TMEM117: variants seen among roughly 807,000 people sequenced by gnomAD.
TMEM117 encodes transmembrane protein 117.
Under a neutral mutation model 52.4 loss-of-function variants are expected in TMEM117, and 27 were observed. That is an observed-to-expected ratio of 0.51 (90% CI 0.38 to 0.71). The LOEUF is 0.71. TMEM117 is among the 30% of genes least tolerant of loss of function. TMEM117 has a pLI of 0.00. For synonymous variants in TMEM117, 215 were observed against 206.3 expected (o/e 1.04, Z -0.36); for missense variants, 556 against 630.5 (o/e 0.88, Z 1.26).
intron 3 of TMEM117, among the ~76,000 whole-genome samples, chr12:43,997,153 A>G: frequency 6.6e-6 from 1 of 152,218 alleles, no homozygotes; most frequent in East Asian, 1.9e-4. Context: ...GGTAAGCTGG[A>G]AAGTGGTAGA....
At chr12:44,200,028 G>A (rs1175761118) in intron 4 of TMEM117, among the ~76,000 whole-genome samples, 3 of 152,254 alleles carry the variant, frequency 2.0e-5, no homozygotes. Flanking sequence ...TGAGAGAGGA[G>A]AATCGGCTTG....
At chr12:44,118,657 G>A (rs928897826) in intron 3 of TMEM117, among the ~76,000 whole-genome samples, 1 of 152,172 alleles carries the variant, frequency 6.6e-6, no homozygotes, top group Non-Finnish European at 1.5e-5. Context: ...AAGGATTTTT[G>A]TGTGTGTGTT....
chr12:44,333,282 C>A (rs1431994030), intron 6 of TMEM117, among the ~76,000 whole-genome samples: 2 of 151,930 alleles, frequency 1.3e-5, no homozygotes, highest in Non-Finnish European at 2.9e-5. Context: ...ATATGCCAGG[C>A]CCTGGGCATA....
chr12:43,984,040 G>T (rs1419060242), intron 3 of TMEM117, among the ~76,000 whole-genome samples: 1 of 152,046 alleles, frequency 6.6e-6, no homozygotes, highest in Non-Finnish European at 1.5e-5. Flanking sequence ...CCATAAGCAT[G>T]TGAAACCAGA....
intron 3 of TMEM117, among the ~76,000 whole-genome samples, chr12:44,119,998 G>T (rs1948207398): frequency 6.6e-6 from 1 of 152,074 alleles, no homozygotes; most frequent in South Asian, 2.1e-4. Context: ...GCTTTTAAAA[G>T]AAGTCACTTA....
At chr12:43,905,885 A>G (rs4238089) in intron 2 of TMEM117, among the ~76,000 whole-genome samples, 109,062 of 152,120 alleles carry the variant, frequency 0.72, 42,207 homozygotes, top group East Asian at 0.87. Context: ...ATGAATAAAT[A>G]TAGTTTAAAA....
intron 5 of TMEM117, among the ~76,000 whole-genome samples, chr12:44,240,602 GTGTA>G (rs768378414): frequency 5.1e-4 from 78 of 152,134 alleles, no homozygotes; most frequent in Admixed American, 2.8e-3. Context: ...ATGTTTGTGT[GTGTA>G]TGTATTTATA....
intron 2 of TMEM117, among the ~76,000 whole-genome samples, chr12:43,940,181 C>A (rs1439064970): frequency 6.6e-6 from 1 of 152,158 alleles, no homozygotes; most frequent in African/African-American, 2.4e-5. Context: ...GACCTAAATG[C>A]TTGTATTCTT....
At chr12:44,308,689 G>C (rs898740773) in intron 6 of TMEM117, among the ~76,000 whole-genome samples, 1 of 148,790 alleles carries the variant, frequency 6.7e-6, no homozygotes, top group Non-Finnish European at 1.5e-5. Context: ...GCGCCATCTC[G>C]GCTCGCTGCA....
At chr12:44,041,815 A>G (rs914527604) in intron 3 of TMEM117, among the ~76,000 whole-genome samples, 2 of 152,196 alleles carry the variant, frequency 1.3e-5, no homozygotes, top group Admixed American at 6.5e-5. Flanking sequence ...GTTGGTTAAT[A>G]CAAATCAATA....
At chr12:44,005,860 G>T (rs992506042) in intron 3 of TMEM117, among the ~76,000 whole-genome samples, 1 of 152,154 alleles carries the variant, frequency 6.6e-6, no homozygotes. Context: ...TTATATAAGG[G>T]GGAGTTTACC....
intron 5 of TMEM117, among the ~76,000 whole-genome samples, chr12:44,299,179 G>A (rs1950806027): frequency 7.0e-6 from 1 of 142,916 alleles, no homozygotes; most frequent in Admixed American, 7.4e-5. Flanking sequence ...CACCCAGGCT[G>A]GAGTGCAGTG....
At chr12:44,281,038 A>T (rs1264553021) in intron 5 of TMEM117, among the ~76,000 whole-genome samples, 2 of 152,190 alleles carry the variant, frequency 1.3e-5, no homozygotes, top group African/African-American at 4.8e-5. Flanking sequence ...TTAGTCTTAA[A>T]TAAGTCAGCA....
At chr12:43,822,191 G>A in the TMEM117 span, among the ~76,000 whole-genome samples, 2 of 152,200 alleles carry the variant, frequency 1.3e-5, no homozygotes, top group African/African-American at 2.4e-5. Flanking sequence ...ACTTCAATGC[G>A]AGATTGGCTT....
At chr12:44,105,735 G>C (rs1469129897) in intron 3 of TMEM117, among the ~76,000 whole-genome samples, 1 of 151,944 alleles carries the variant, frequency 6.6e-6, no homozygotes, top group African/African-American at 2.4e-5. Context: ...CTAGAGTTGG[G>C]TATTTCCCTT....
chr12:43,849,825 C>G (rs1309956167), intron 2 of TMEM117, among the ~76,000 whole-genome samples: 4 of 152,164 alleles, frequency 2.6e-5, no homozygotes, highest in Non-Finnish European at 4.4e-5. Flanking sequence ...CTTGTCACCT[C>G]TCATTCTCTG....
In TMEM117 at chr12:44,180,806, T is replaced by C. The variant is rs562882554; in HGVS notation, c.511-30484T>C. Among the ~76,000 whole-genome samples the C allele has an allele frequency of 1.7e-3, 252 of 152,212 alleles. 1 individual carries two copies. The highest frequency in any genetic ancestry group is 2.9e-3 in the Non-Finnish European group (195 of 68,000). On this transcript the variant is annotated intron_variant, in intron 4 of 7. Coordinates refer to ENST00000266534, the MANE Select transcript of TMEM117 (RefSeq NM_032256.3). ...TTTGCTATCGTGAATAATGCCGCAA[T>C]AAACATATGTGTGCATGTGTCTTTA...
intron 2 of TMEM117, among the ~76,000 whole-genome samples, chr12:43,845,765 T>A (rs903678796): frequency 7.3e-5 from 11 of 151,682 alleles, no homozygotes; most frequent in African/African-American, 2.7e-4. Context: ...ATTGTTCAGC[T>A]CCCACCTATG....
chr12:44,019,294 A>G (rs1379597663), intron 3 of TMEM117, among the ~76,000 whole-genome samples: 2 of 151,944 alleles, frequency 1.3e-5, no homozygotes, highest in African/African-American at 2.4e-5. Flanking sequence ...CAGGTTGCGC[A>G]CTTCCCTGAA....
Sources: allele counts gnomAD v4.1 joint callset (sites outside exome capture counted in the v4.1 genomes callset), GRCh38; gene constraint gnomAD v4.1.1; transcripts MANE v1.5; gene names NCBI Gene and HGNC (gene_info 2026-07-23, HGNC 2026-07-21).